INTS9: variants seen among roughly 807,000 people sequenced by gnomAD.
The protein encoded by INTS9 is integrator complex subunit 9.
INTS9 carries 55 observed loss-of-function variants against 79.7 expected under a neutral mutation model. The observed-to-expected ratio is 0.69, with a 90% CI of 0.56 to 0.86. The LOEUF is 0.86. Ranked by LOEUF, INTS9 falls within the 40% of genes least tolerant of loss-of-function variation. The probability of loss-of-function intolerance (pLI) is 0.00; values close to 1 mark genes in which losing one functional copy is unlikely to be tolerated. For missense variants in INTS9, 721 were observed against 831.5 expected (o/e 0.87, Z 1.64); for synonymous variants, 319 against 325.2 (o/e 0.98, Z 0.20).
intron 4 of INTS9, among the ~76,000 whole-genome samples, chr8:28,838,158 C>A (rs569986335): frequency 6.6e-6 from 1 of 152,154 alleles, no homozygotes; most frequent in South Asian, 2.1e-4. Context: ...GAACATAACA[C>A]CCCATTGCTA....
chr8:28,831,755 G>C (rs1379613112), intron 6 of INTS9, among the ~76,000 whole-genome samples: 3 of 152,132 alleles, frequency 2.0e-5, no homozygotes, highest in Non-Finnish European at 4.4e-5. Context: ...CTGGAGTGCA[G>C]TGGCGTGATC....
chr8:28,868,934 A>G lies in INTS9; in HGVS notation c.10-9371T>C, dbSNP rs547448609. Among the ~76,000 whole-genome samples, 5 of 152,230 alleles carry G rather than the reference A, an allele frequency of 3.3e-5. No individual in the cohort carries two copies. The South Asian group carries it at 1.0e-3, about 32-fold the overall frequency. On this transcript the variant is annotated intron_variant, in intron 1 of 16. Transcript: ENST00000521022. ...GCCAACATGGCGAAACCCCGTCTCT[A>G]CTAAAAATAGAAAAATTCGCTGGGC...
chr8:28,787,747 C>T, intron 11 of INTS9, 82 bp downstream of exon 11: 2 of 951,996 alleles, frequency 2.1e-6, no homozygotes, highest in South Asian at 1.4e-5. Context: ...CAATCTATTT[C>T]ATCTAACGAC....
At chr8:28,879,061 A>G (rs1453695023) in intron 1 of INTS9, among the ~76,000 whole-genome samples, 1 of 152,218 alleles carries the variant, frequency 6.6e-6, no homozygotes, top group African/African-American at 2.4e-5. Context: ...GAGGAAGAGG[A>G]AACATTTTCC....
At chr8:28,842,136 C>A (rs781603472) in intron 4 of INTS9, among the ~76,000 whole-genome samples, 3 of 152,122 alleles carry the variant, frequency 2.0e-5, no homozygotes, top group Non-Finnish European at 4.4e-5. Context: ...TAGTAAAATA[C>A]ATTTCCTATC....
At chr8:28,859,185 T>C (rs1808325018) in intron 2 of INTS9, among the ~76,000 whole-genome samples, 1 of 152,182 alleles carries the variant, frequency 6.6e-6, no homozygotes, top group African/African-American at 2.4e-5. Context: ...ATACATGACC[T>C]CAGTTGTACT....
At chr8:28,772,123 A>G (rs1802581961) in intron 14 of INTS9, among the ~76,000 whole-genome samples, 1 of 152,164 alleles carries the variant, frequency 6.6e-6, no homozygotes. Context: ...TGGCCTCCCA[A>G]GGGCTGGGAT....
intron 6 of INTS9, among the ~76,000 whole-genome samples, chr8:28,817,503 C>T (rs1354304531): frequency 6.6e-6 from 1 of 152,098 alleles, no homozygotes; most frequent in African/African-American, 2.4e-5. Context: ...TGTTGTGTTC[C>T]ATTGATCTAT....
At position 28,787,007 on chromosome 8, in the gene INTS9, G is replaced by A. The variant is rs182075282; in HGVS notation, c.1098+822C>T. Reference sequence around the variant, plus strand: ...GCTGGGATTACAGGCGTGAGCCACCGAGCCCAGCCAATACTGTCAGTTTTC... The same window carrying A: ...GCTGGGATTACAGGCGTGAGCCACCAAGCCCAGCCAATACTGTCAGTTTTC... On this transcript the variant is annotated intron_variant, in intron 11 of 16. Coordinates refer to ENST00000521022, the MANE Select transcript of INTS9 (RefSeq NM_018250.4). Among the ~76,000 whole-genome samples, 179 of 152,232 alleles carry A rather than the reference G, an allele frequency of 1.2e-3. 3 individuals are homozygous for A. In the East Asian group the frequency reaches 0.023, roughly 20 times the overall value.
intron 4 of INTS9, 113 bp downstream of exon 4, chr8:28,846,634 T>C (rs1209426600): frequency 2.6e-6 from 2 of 771,012 alleles, no homozygotes; most frequent in East Asian, 2.5e-5. Flanking sequence ...GAATAACAGA[T>C]TCATTTAAAC....
intron 13 of INTS9, among the ~76,000 whole-genome samples, chr8:28,777,063 G>A (rs1311712908): frequency 5.3e-5 from 8 of 152,088 alleles, no homozygotes; most frequent in Non-Finnish European, 1.5e-5. Flanking sequence ...GGCCCTCCTG[G>A]GGTTCTCCGG....
intron 10 of INTS9, 44 bp downstream of exon 10, chr8:28,793,763 A>G: frequency 7.0e-7 from 1 of 1,428,632 alleles, no homozygotes; most frequent in Non-Finnish European, 9.5e-7. Context: ...GAATGTCCTG[A>G]ATCAAATAAA....
intron 6 of INTS9, among the ~76,000 whole-genome samples, chr8:28,834,734 T>C (rs1309958290): frequency 6.6e-6 from 1 of 150,486 alleles, no homozygotes; most frequent in Non-Finnish European, 1.5e-5. Flanking sequence ...TGGAGTGCAA[T>C]GGTGCAATCT....
chr8:28,776,428 TTTTTTTTTTTTG>T (rs1465101745), intron 13 of INTS9, among the ~76,000 whole-genome samples: 3 of 18,566 alleles, frequency 1.6e-4, no homozygotes, highest in African/African-American at 5.0e-4. Context: ...AGAGGCAGAG[TTTTTTTTTTTTG>T]TTTTTTTTTT....
Position 28,840,221 on chromosome 8 carries a change from G to A in INTS9, c.262-2445C>T, listed in dbSNP as rs1392642391. Reference sequence around the variant, plus strand: ...CACCATCACTGGCCATCAGAGAAATGCAAATGAAAACCACAATGAGATACC... The same window carrying A: ...CACCATCACTGGCCATCAGAGAAATACAAATGAAAACCACAATGAGATACC... On this transcript the variant is annotated intron_variant, in intron 4 of 16. Coordinates refer to ENST00000521022, the MANE Select transcript of INTS9 (RefSeq NM_018250.4). 5.5e-3 allele frequency among the ~76,000 whole-genome samples: 832 copies of A among 151,588 alleles called. 7 individuals carry two copies. The highest frequency in any genetic ancestry group is 0.019 in the African/African-American group (797 of 41,388).
chr8:28,788,803 T>C (rs973139635), intron 10 of INTS9, among the ~76,000 whole-genome samples: 9 of 152,238 alleles, frequency 5.9e-5, no homozygotes, highest in African/African-American at 1.4e-4. Context: ...TGAATGTTTT[T>C]GGTAATTTAC....
At chr8:28,822,271 G>A (rs1805876485) in intron 6 of INTS9, among the ~76,000 whole-genome samples, 1 of 151,954 alleles carries the variant, frequency 6.6e-6, no homozygotes, top group South Asian at 2.1e-4. Flanking sequence ...AGCAAGAGTT[G>A]CAGAAAGAAC....
At chr8:28,853,077 T>G (rs976321195) in intron 2 of INTS9, among the ~76,000 whole-genome samples, 1 of 152,244 alleles carries the variant, frequency 6.6e-6, no homozygotes, top group Non-Finnish European at 1.5e-5. Flanking sequence ...AAAGTTCGAC[T>G]GTGTAAACTT....
chr8:28,859,904 T>C (rs897848175), intron 1 of INTS9, among the ~76,000 whole-genome samples: 1 of 152,198 alleles, frequency 6.6e-6, no homozygotes, highest in South Asian at 2.1e-4. Context: ...CCCCTTTGTA[T>C]GTAAGTACTG....
Sources: gnomAD v4.1 joint callset for allele counts (sites outside exome capture counted in the v4.1 genomes callset) on GRCh38, gnomAD v4.1.1 for gene constraint, MANE v1.5 for transcripts, NCBI Gene and HGNC (gene_info 2026-07-23, HGNC 2026-07-21) for gene names.